KCND2: variants seen among roughly 807,000 people sequenced by gnomAD.
KCND2 encodes potassium voltage-gated channel subfamily D member 2, also known as A-type voltage-gated potassium channel KCND2.
Under a neutral mutation model 54.4 loss-of-function variants are expected in KCND2, and 16 were observed. The ratio of observed to expected loss-of-function variants is 0.29; its 90% CI spans 0.20 to 0.45. The LOEUF is 0.45. KCND2 is among the 20% of genes least tolerant of loss of function. The pLI is 1.00. For synonymous variants in KCND2, 317 were observed against 310.7 expected, an observed-to-expected ratio of 1.02 and a Z score of -0.21; for missense variants, 486 against 824.2, an observed-to-expected ratio of 0.59 and a Z score of 5.02.
chr7:120,678,612 C>T (rs1370654054), intron 1 of KCND2, among the ~76,000 whole-genome samples: 2 of 147,362 alleles, frequency 1.4e-5, no homozygotes, highest in South Asian at 2.1e-4. Flanking sequence ...CACATACACA[C>T]ATATATACAC....
In KCND2 at chr7:120,563,428, C is replaced by T. The variant is rs528559241; in HGVS notation, c.1116-169475C>T. Among the ~76,000 whole-genome samples, 3 of 152,200 alleles carry T rather than the reference C, an allele frequency of 2.0e-5. No individual in the cohort carries two copies. In the East Asian group the frequency reaches 5.8e-4, roughly 29 times the overall value. On this transcript the variant is annotated intron_variant, in intron 1 of 5. Coordinates refer to ENST00000331113, the MANE Select transcript of KCND2 (RefSeq NM_012281.3). ...TCCCATTCAGTTCTACTTGTGTATA[C>T]ATGAAGCCTAGCTATCATCTAGATT...
intron 1 of KCND2, among the ~76,000 whole-genome samples, chr7:120,633,517 G>A (rs1793264695): frequency 6.6e-6 from 1 of 152,122 alleles, no homozygotes; most frequent in South Asian, 2.1e-4. Context: ...TACAACCCGT[G>A]CTGAACCATC....
chr7:120,309,474 T>TATATATATATATATATATAC (rs1257702636), intron 1 of KCND2, among the ~76,000 whole-genome samples: 3 of 113,278 alleles, frequency 2.6e-5, no homozygotes, highest in African/African-American at 1.0e-4. Context: ...TATATATATA[T>TATATATATATATATATATAC]ACACACACAC....
At chr7:120,367,065 A>G (rs1161618405) in intron 1 of KCND2, among the ~76,000 whole-genome samples, 1 of 152,128 alleles carries the variant, frequency 6.6e-6, no homozygotes, top group South Asian at 2.1e-4. Context: ...CCGCTATTGC[A>G]TGCATATTAT....
intron 1 of KCND2, among the ~76,000 whole-genome samples, chr7:120,592,346 G>A (rs571067738): frequency 6.6e-6 from 1 of 152,256 alleles, no homozygotes; most frequent in East Asian, 1.9e-4. Context: ...GAGGCCAGGG[G>A]TTCGAGACCA....
intron 1 of KCND2, among the ~76,000 whole-genome samples, chr7:120,305,083 TTTA>T (rs1326548359): frequency 6.6e-6 from 1 of 152,204 alleles, no homozygotes; most frequent in Admixed American, 6.6e-5. Flanking sequence ...TTGCTATTTC[TTTA>T]TTATTAAAGG....
chr7:120,643,730 A>G (rs1223645539), intron 1 of KCND2, among the ~76,000 whole-genome samples: 1 of 151,826 alleles, frequency 6.6e-6, no homozygotes, highest in Non-Finnish European at 1.5e-5. Flanking sequence ...GTGCAATAAA[A>G]TGTCAAAAAA....
At chr7:120,296,795 C>T (rs1235503274) in intron 1 of KCND2, among the ~76,000 whole-genome samples, 2 of 152,018 alleles carry the variant, frequency 1.3e-5, no homozygotes, top group Non-Finnish European at 2.9e-5. Context: ...ACAGCCAGAT[C>T]TGTAATTAAG....
chr7:120,612,492 T>C (rs914677986), intron 1 of KCND2, among the ~76,000 whole-genome samples: 2 of 152,254 alleles, frequency 1.3e-5, no homozygotes, highest in East Asian at 3.8e-4. Flanking sequence ...AACAGCCATG[T>C]CTGTTTTACT....
At chr7:120,323,015 A>G (rs544855754) in intron 1 of KCND2, among the ~76,000 whole-genome samples, 1 of 152,266 alleles carries the variant, frequency 6.6e-6, no homozygotes, top group East Asian at 1.9e-4. Flanking sequence ...GTTCTGGGAT[A>G]CATGTGCAGA....
At chr7:120,405,903 T>A (rs768455283) in intron 1 of KCND2, among the ~76,000 whole-genome samples, 2 of 152,010 alleles carry the variant, frequency 1.3e-5, no homozygotes, top group African/African-American at 2.4e-5. Flanking sequence ...TAAATTGCAT[T>A]GAGTGTTTAT....
At chr7:120,528,803 TTC>T (rs1156325639) in intron 1 of KCND2, among the ~76,000 whole-genome samples, 1 of 152,156 alleles carries the variant, frequency 6.6e-6, no homozygotes, top group Non-Finnish European at 1.5e-5. Flanking sequence ...CTTTCTCAAT[TTC>T]TCTGTCTCTT....
rs529165698 is a variant in KCND2 at position 120,665,917 on chromosome 7, C to T, written c.1116-66986C>T. On this transcript the variant is annotated intron_variant, in intron 1 of 5. Transcript: ENST00000331113. ...GTAATTAGAGATAATATTTCAAATACGGTCCATATTTTTTACAAATAACAA... is the reference window on the plus strand; with the variant it reads ...GTAATTAGAGATAATATTTCAAATATGGTCCATATTTTTTACAAATAACAA... Among the ~76,000 whole-genome samples the T allele has an allele frequency of 1.8e-4, 27 of 152,038 alleles. 2 individuals carry two copies. The South Asian group carries it at 2.5e-3, about 14-fold the overall frequency.
intron 1 of KCND2, among the ~76,000 whole-genome samples, chr7:120,463,357 A>C (rs1802312215): frequency 6.6e-6 from 1 of 151,986 alleles, no homozygotes; most frequent in South Asian, 2.1e-4. Flanking sequence ...TCACATGTAT[A>C]ATCTCTAAAG....
At chr7:120,305,157 A>T (rs555661517) in intron 1 of KCND2, among the ~76,000 whole-genome samples, 1 of 152,250 alleles carries the variant, frequency 6.6e-6, no homozygotes, top group African/African-American at 2.4e-5. Context: ...AAGGGTAGTA[A>T]TTTTCTGAGC....
At chr7:120,526,359 T>C (rs1791773995) in intron 1 of KCND2, among the ~76,000 whole-genome samples, 1 of 152,036 alleles carries the variant, frequency 6.6e-6, no homozygotes, top group Non-Finnish European at 1.5e-5. Flanking sequence ...TCCATTAAAC[T>C]CTCCTAAATT....
intron 1 of KCND2, among the ~76,000 whole-genome samples, chr7:120,397,973 G>GTA (rs1491486658): frequency 2.3e-4 from 8 of 35,526 alleles, no homozygotes; most frequent in Admixed American, 5.8e-4. Context: ...GTGTATATAA[G>GTA]TGTGTGTGTG....
intron 1 of KCND2, among the ~76,000 whole-genome samples, chr7:120,495,332 A>G (rs1802833971): frequency 7.0e-6 from 1 of 143,188 alleles, no homozygotes; most frequent in Non-Finnish European, 1.5e-5. Context: ...AAAGCAGGAT[A>G]GAATGACAAC....
At chr7:120,646,778 T>C (rs1203243694) in intron 1 of KCND2, among the ~76,000 whole-genome samples, 4 of 152,252 alleles carry the variant, frequency 2.6e-5, no homozygotes, top group Non-Finnish European at 5.9e-5. Context: ...CGGTACTGAA[T>C]TGGTACAGAC....
Sources: allele counts gnomAD v4.1 joint callset (sites outside exome capture counted in the v4.1 genomes callset), GRCh38; gene constraint gnomAD v4.1.1; transcripts MANE v1.5; gene names NCBI Gene and HGNC (gene_info 2026-07-23, HGNC 2026-07-21).